MAPK10: variants seen among roughly 807,000 people sequenced by gnomAD.
The protein encoded by MAPK10 is mitogen-activated protein kinase 10.
Under a neutral mutation model 59.3 loss-of-function variants are expected in MAPK10, and 25 were observed. The observed-to-expected ratio is 0.42, with a 90% CI of 0.31 to 0.59. The LOEUF (loss-of-function observed/expected upper bound fraction) is 0.59, where lower values mean the gene tolerates loss of function less well. Among genes scored for constraint, MAPK10 ranks in the 20% least tolerant of loss-of-function variants. The probability of loss-of-function intolerance (pLI) is 0.15; values close to 1 mark genes in which losing one functional copy is unlikely to be tolerated. For synonymous variants in MAPK10, 190 were observed against 200.5 expected, an observed-to-expected ratio of 0.95 and a Z score of 0.44; for missense variants, 351 against 568.9, an observed-to-expected ratio of 0.62 and a Z score of 3.90.
intron 2 of MAPK10, among the ~76,000 whole-genome samples, chr4:86,265,062 T>C (rs1161964943): frequency 6.6e-6 from 1 of 151,992 alleles, no homozygotes; most frequent in African/African-American, 2.4e-5. Context: ...AGCTAATTTT[T>C]GTATTTTTGG....
At chr4:86,350,337 C>T (rs1564627582) in intron 2 of MAPK10, among the ~76,000 whole-genome samples, 1 of 152,144 alleles carries the variant, frequency 6.6e-6, no homozygotes, top group Non-Finnish European at 1.5e-5. Context: ...GCCTCAGCCT[C>T]TCAAGTAGCT....
At chr4:86,446,361 A>G (rs1750037760) in intron 1 of MAPK10, among the ~76,000 whole-genome samples, 1 of 152,150 alleles carries the variant, frequency 6.6e-6, no homozygotes, top group South Asian at 2.1e-4. Flanking sequence ...GTTGAGAATT[A>G]CATTACCTAA....
intron 1 of MAPK10, among the ~76,000 whole-genome samples, chr4:86,378,019 C>T (rs1176493148): frequency 6.6e-6 from 1 of 152,052 alleles, no homozygotes; most frequent in African/African-American, 2.4e-5. Flanking sequence ...TGTTAATCTC[C>T]TTGGCAACAC....
chr4:86,308,479 G>GA (rs2095610326), intron 2 of MAPK10, among the ~76,000 whole-genome samples: 2 of 152,082 alleles, frequency 1.3e-5, no homozygotes, highest in Admixed American at 1.3e-4. Context: ...AAGAAAAGGG[G>GA]AAAAAATAAA....
Position 86,253,316 on chromosome 4 carries a change from T to C in MAPK10, c.-6-58909A>G, listed in dbSNP as rs1353365489. On this transcript the variant is annotated intron_variant, in intron 2 of 13. Transcript: ENST00000641462. ...TATGATATTGGCTGTGGGTTTGTCATAGATAGCTCTTATTATTTTGAAATA... is the reference window on the plus strand; with the variant it reads ...TATGATATTGGCTGTGGGTTTGTCACAGATAGCTCTTATTATTTTGAAATA... Among the ~76,000 whole-genome samples, 5 of 83,592 alleles carry C rather than the reference T, an allele frequency of 6.0e-5. 1 individual carries two copies. The highest frequency in any genetic ancestry group is 4.1e-4 in the South Asian group (1 of 2,450). The allele number at this position is 83,592 out of a possible 152,430, so 54.8% of individuals were successfully genotyped here.
chr4:86,373,032 A>AACAGC, intron 1 of MAPK10, among the ~76,000 whole-genome samples: 1 of 152,210 alleles, frequency 6.6e-6, no homozygotes, highest in African/African-American at 2.4e-5. Context: ...CAGTAACCAA[A>AACAGC]ATGGCATGGT....
chr4:86,289,591 TTA>T (rs1465045741), intron 2 of MAPK10, among the ~76,000 whole-genome samples: 1 of 150,038 alleles, frequency 6.7e-6, no homozygotes, highest in Non-Finnish European at 1.5e-5. Flanking sequence ...ATACATAGCA[TTA>T]TGTTATATAA....
chr4:86,559,791 T>C (rs540991556), intron 1 of MAPK10, among the ~76,000 whole-genome samples: 4 of 152,080 alleles, frequency 2.6e-5, no homozygotes, highest in Non-Finnish European at 4.4e-5. Flanking sequence ...ATACAAAAAT[T>C]AGCTGGGTGT....
intron 2 of MAPK10, among the ~76,000 whole-genome samples, chr4:86,255,852 C>T (rs1176291552): frequency 6.6e-6 from 1 of 151,974 alleles, no homozygotes; most frequent in Non-Finnish European, 1.5e-5. Context: ...AATTTTCACC[C>T]CAATAGAATG....
chr4:86,464,152 G>A (rs1751989407), intron 1 of MAPK10, among the ~76,000 whole-genome samples: 1 of 152,178 alleles, frequency 6.6e-6, no homozygotes, highest in Non-Finnish European at 1.5e-5. Context: ...AACCCATTTA[G>A]CTGACTTTGT....
intron 2 of MAPK10, among the ~76,000 whole-genome samples, chr4:86,285,772 T>C (rs553143368): frequency 3.6e-4 from 55 of 152,180 alleles, no homozygotes; most frequent in Non-Finnish European, 7.6e-4. Context: ...ATCTGCCTTC[T>C]GCAAAACCAG....
rs534466247 is a variant in MAPK10, at chr4:86,196,176, C to T, written c.-6-1769G>A. The stretch of plus-strand genomic sequence containing the variant: ...TCCACAATGGTTGCACTAATTTACA[C>T]TCCCACCAACATTGTAAAAGCATTC... On this transcript the variant is annotated intron_variant, in intron 2 of 13. Transcript: ENST00000641462. Among the ~76,000 whole-genome samples, 9 of 152,328 alleles carry T rather than the reference C, an allele frequency of 5.9e-5. No individual in the cohort carries two copies. In the East Asian group the frequency reaches 9.7e-4, roughly 16 times the overall value.
intron 4 of MAPK10, among the ~76,000 whole-genome samples, chr4:86,122,909 A>G (rs1156962622): frequency 6.6e-6 from 1 of 151,802 alleles, no homozygotes; most frequent in Non-Finnish European, 1.5e-5. Flanking sequence ...TTTACTATAA[A>G]TTTGGTGTTT....
At chr4:86,310,084 C>T (rs1028589650) in intron 2 of MAPK10, among the ~76,000 whole-genome samples, 1 of 152,180 alleles carries the variant, frequency 6.6e-6, no homozygotes, top group African/African-American at 2.4e-5. Context: ...AATGCAACCA[C>T]TTATTTCTCA....
At chr4:86,282,391 T>G (rs1563951140) in intron 2 of MAPK10, among the ~76,000 whole-genome samples, 2 of 152,206 alleles carry the variant, frequency 1.3e-5, no homozygotes, top group Non-Finnish European at 1.5e-5. Flanking sequence ...TGTTTAATTT[T>G]TTAATTCATC....
intron 11 of MAPK10, among the ~76,000 whole-genome samples, chr4:86,037,865 A>G (rs918315446): frequency 2.0e-5 from 3 of 152,226 alleles, no homozygotes; most frequent in Non-Finnish European, 2.9e-5. Flanking sequence ...ATGGTTGAAG[A>G]AACATTAAAC....
rs371420938 is a variant in MAPK10, at chr4:86,539,437, T to G, written c.-263+54473A>C. On this transcript the variant is annotated intron_variant, in intron 1 of 4. Transcript: ENST00000502302. ...TGAGGCAAAGCCAATCAGAGGGAGG[T>G]TGGAATATAAGCACAAGCATGAAAG... Among the ~76,000 whole-genome samples, 12 of 149,610 alleles carry G rather than the reference T, an allele frequency of 8.0e-5. No homozygotes were observed. In the East Asian group the frequency reaches 2.3e-3, roughly 29 times the overall value.
chr4:86,189,005 A>G (rs1420744300), intron 3 of MAPK10, among the ~76,000 whole-genome samples: 3 of 152,216 alleles, frequency 2.0e-5, no homozygotes, highest in African/African-American at 7.2e-5. Context: ...TTTATTAAAT[A>G]GGGAATCCTT....
At chr4:86,346,677 C>T (rs1351540105) in intron 2 of MAPK10, among the ~76,000 whole-genome samples, 1 of 151,196 alleles carries the variant, frequency 6.6e-6, no homozygotes, top group Non-Finnish European at 1.5e-5. Flanking sequence ...GTCAGCCCTC[C>T]GTATCTGGAG....
Sources: gnomAD v4.1 joint callset for allele counts (sites outside exome capture counted in the v4.1 genomes callset) on GRCh38, gnomAD v4.1.1 for gene constraint, MANE v1.5 for transcripts, NCBI Gene and HGNC (gene_info 2026-07-23, HGNC 2026-07-21) for gene names.